CCDC170: variants seen among roughly 807,000 people sequenced by gnomAD.
CCDC170 encodes coiled-coil domain containing 170, also known as coiled-coil domain-containing protein 170.
A neutral mutation model predicts 72.6 loss-of-function variants in CCDC170; 69 were observed. The ratio of observed to expected loss-of-function variants is 0.95; its 90% CI spans 0.78 to 1.16. The LOEUF (loss-of-function observed/expected upper bound fraction) is 1.16, where lower values mean the gene tolerates loss of function less well. Among genes scored for constraint, CCDC170 ranks in the 50% most tolerant of loss-of-function variants. The probability of loss-of-function intolerance (pLI) is 0.00; values close to 1 mark genes in which losing one functional copy is unlikely to be tolerated. For synonymous variants in CCDC170, 300 were observed against 303.9 expected, an observed-to-expected ratio of 0.99 and a Z score of 0.13; for missense variants, 852 against 832.5, an observed-to-expected ratio of 1.02 and a Z score of -0.29.
chr6:151,522,091 T>G (rs1269689129), intron 1 of CCDC170, among the ~76,000 whole-genome samples: 2 of 143,762 alleles, frequency 1.4e-5, no homozygotes, highest in Non-Finnish European at 3.0e-5. Context: ...ACCTGGGAGG[T>G]GGAGGTTGCA....
intron 9 of CCDC170, among the ~76,000 whole-genome samples, chr6:151,611,161 G>T (rs1311405416): frequency 6.6e-6 from 1 of 152,112 alleles, no homozygotes; most frequent in Non-Finnish European, 1.5e-5. Flanking sequence ...CTGCAGTCCA[G>T]CTACTCTGGA....
chr6:151,581,939 A>G (rs1776384041), intron 6 of CCDC170, among the ~76,000 whole-genome samples: 1 of 152,216 alleles, frequency 6.6e-6, no homozygotes, highest in South Asian at 2.1e-4. Flanking sequence ...GTAAAACTTG[A>G]TGTGAACAGA....
chr6:151,546,593 T>A (rs1208525905), intron 4 of CCDC170, among the ~76,000 whole-genome samples: 1 of 152,114 alleles, frequency 6.6e-6, no homozygotes, highest in Non-Finnish European at 1.5e-5. Context: ...AACTGGCTGT[T>A]ACCTGCAGAT....
intron 5 of CCDC170, among the ~76,000 whole-genome samples, chr6:151,553,488 G>A (rs1234403966): frequency 6.6e-6 from 1 of 152,144 alleles, no homozygotes; most frequent in Non-Finnish European, 1.5e-5. Context: ...ATTAGGGGGA[G>A]AGGAGGGGTT....
At chr6:151,521,499 A>C (rs1312478969) in intron 1 of CCDC170, among the ~76,000 whole-genome samples, 1 of 152,222 alleles carries the variant, frequency 6.6e-6, no homozygotes, top group East Asian at 1.9e-4. Context: ...GGATTGGGTA[A>C]AATGAGGCTG....
chr6:151,565,650 T>A (rs1776123100), intron 5 of CCDC170, among the ~76,000 whole-genome samples: 2 of 152,234 alleles, frequency 1.3e-5, no homozygotes, highest in South Asian at 4.1e-4. Context: ...GATAGATGCC[T>A]CTAGTCCATC....
At chr6:151,507,094 G>A (rs1314888880) in intron 1 of CCDC170, among the ~76,000 whole-genome samples, 1 of 152,130 alleles carries the variant, frequency 6.6e-6, no homozygotes. Context: ...TTCCATGCTT[G>A]AGGGGTTTGT....
intron 5 of CCDC170, among the ~76,000 whole-genome samples, chr6:151,554,047 G>A (rs887802400): frequency 2.6e-5 from 4 of 151,968 alleles, no homozygotes; most frequent in Non-Finnish European, 2.9e-5. Context: ...AGAAAATTTC[G>A]CAAATAAAAA....
chr6:151,591,523 C>T (rs1776534581), intron 7 of CCDC170, among the ~76,000 whole-genome samples: 1 of 151,380 alleles, frequency 6.6e-6, no homozygotes, highest in Non-Finnish European at 1.5e-5. Context: ...GAGGCGGAGT[C>T]TTGCTCTGTC....
At chr6:151,571,192 G>A (rs1302117261) in intron 5 of CCDC170, among the ~76,000 whole-genome samples, 1 of 152,154 alleles carries the variant, frequency 6.6e-6, no homozygotes, top group African/African-American at 2.4e-5. Context: ...CAGTTCTAAT[G>A]CAAAAGAGGT....
At chr6:151,553,997 C>G (rs190457333) in intron 5 of CCDC170, among the ~76,000 whole-genome samples, 1,610 of 109,290 alleles carry the variant, frequency 0.015, 27 homozygotes, top group Admixed American at 0.026. Flanking sequence ...CATAACTCAG[C>G]TTTTCTGATC....
At chr6:151,565,662 T>C (rs1354382344) in intron 5 of CCDC170, among the ~76,000 whole-genome samples, 1 of 152,248 alleles carries the variant, frequency 6.6e-6, no homozygotes, top group Non-Finnish European at 1.5e-5. Flanking sequence ...TAGTCCATCA[T>C]CTTGAAGCCC....
At chr6:151,525,486 C>T (rs1470109102) in intron 1 of CCDC170, among the ~76,000 whole-genome samples, 1 of 152,178 alleles carries the variant, frequency 6.6e-6, no homozygotes, top group Non-Finnish European at 1.5e-5. Context: ...ACCCTCCCCA[C>T]CCTTGGGATA....
chr6:151,534,185 C>T lies in CCDC170; in HGVS notation c.58-2133C>T, dbSNP rs570160051. Reference sequence around the variant, plus strand: ...ACTCAAGCCTTCCTCCCACCTCAGCCTCCCAAGTAGGTGGGACAACAGGAA... The same window carrying T: ...ACTCAAGCCTTCCTCCCACCTCAGCTTCCCAAGTAGGTGGGACAACAGGAA... On this transcript the variant is annotated intron_variant, in intron 1 of 10. Coordinates refer to ENST00000239374, the MANE Select transcript of CCDC170 (RefSeq NM_025059.4). Among the ~76,000 whole-genome samples the T allele has an allele frequency of 9.0e-4, 136 of 151,784 alleles. 1 individual carries two copies. Among genetic ancestry groups the T allele is most frequent in the Non-Finnish European group, 5.9e-5 (4 of 67,978 alleles).
chr6:151,616,611 G>C (rs1242253450), intron 10 of CCDC170, among the ~76,000 whole-genome samples: 1 of 152,174 alleles, frequency 6.6e-6, no homozygotes, highest in Non-Finnish European at 1.5e-5. Context: ...AGAAGTCTGA[G>C]AGAAACTTTT....
chr6:151,612,290 C>T (rs79994731), intron 9 of CCDC170, among the ~76,000 whole-genome samples: 2,482 of 152,218 alleles, frequency 0.016, 32 homozygotes, highest in Non-Finnish European at 0.023. Flanking sequence ...TATGCCCAAC[C>T]GTAGGGAGAG....
chr6:151,555,655 C>T (rs755390330), intron 5 of CCDC170, among the ~76,000 whole-genome samples: 1 of 152,136 alleles, frequency 6.6e-6, no homozygotes, highest in Non-Finnish European at 1.5e-5. Context: ...TTGACAGTTC[C>T]GTATTGTAGC....
At chr6:151,585,443 G>A (rs1157497368) in intron 6 of CCDC170, among the ~76,000 whole-genome samples, 1 of 152,154 alleles carries the variant, frequency 6.6e-6, no homozygotes. Flanking sequence ...TGAATTCCCT[G>A]TAATACCTCA....
chr6:151,500,933 G>A (rs1781985230), intron 1 of CCDC170, among the ~76,000 whole-genome samples: 1 of 152,112 alleles, frequency 6.6e-6, no homozygotes. Flanking sequence ...CAAATTTGGT[G>A]ACGTCACTGT....
Sources: gnomAD v4.1 joint callset for allele counts (sites outside exome capture counted in the v4.1 genomes callset) on GRCh38, gnomAD v4.1.1 for gene constraint, MANE v1.5 for transcripts, NCBI Gene and HGNC (gene_info 2026-07-23, HGNC 2026-07-21) for gene names.